Variants in CCDC57 observed in about 807,000 individuals in gnomAD.
The protein encoded by CCDC57 is coiled-coil domain containing 57.
CCDC57 carries 118 observed loss-of-function variants against 118.9 expected under a neutral mutation model. The observed-to-expected ratio is 0.99, with a 90% CI of 0.86 to 1.16. CCDC57 has a LOEUF of 1.16. Ranked by LOEUF, CCDC57 falls within the 50% of genes most tolerant of loss-of-function variation. The pLI is 0.00. For synonymous variants in CCDC57, 527 were observed against 532.9 expected (o/e 0.99, Z 0.15); for missense variants, 1,300 against 1,320.7 (o/e 0.98, Z 0.24).
intron 19 of CCDC57, among the ~76,000 whole-genome samples, chr17:82,125,296 G>A (rs541786999): frequency 2.1e-4 from 32 of 152,258 alleles, no homozygotes; most frequent in African/African-American, 7.7e-4. Flanking sequence ...TCAGCACTTT[G>A]GGAGGCTGAA....
At position 82,182,646 on chromosome 17, in the gene CCDC57, G is replaced by A. The variant is rs113133191; in HGVS notation, c.1211+1128C>T. Among the ~76,000 whole-genome samples, 31 of 147,682 alleles carry A rather than the reference G, an allele frequency of 2.1e-4. 2 individuals are homozygous for A. The highest frequency in any genetic ancestry group is 7.2e-4 in the African/African-American group (29 of 40,002). On this transcript the variant is annotated intron_variant, in intron 9 of 19. Transcript: ENST00000665763. Reference sequence around the variant, plus strand: ...TGGGATTATAGATGTGAGCCACCGCGCCCGGCCCACCAAACATTTATTTAT... The same window carrying A: ...TGGGATTATAGATGTGAGCCACCGCACCCGGCCCACCAAACATTTATTTAT...
At chr17:82,135,530 C>A (rs1008283069) in intron 16 of CCDC57, 2 of 152,100 alleles carry the variant, frequency 1.3e-5, no homozygotes, top group African/African-American at 4.8e-5. Flanking sequence ...CGAGATGGGC[C>A]CTCAAGTAAA....
At position 82,166,470 on chromosome 17, in the gene CCDC57, A is replaced by G. The variant is rs1192217195; in HGVS notation, c.1883-3113T>C. Among the ~76,000 whole-genome samples the G allele has an allele frequency of 2.0e-5, 3 of 151,940 alleles. No individual in the cohort carries two copies. The East Asian group carries it at 5.8e-4, about 29-fold the overall frequency. On this transcript the variant is annotated intron_variant, in intron 13 of 19. Coordinates refer to ENST00000665763, the Ensembl canonical transcript of CCDC57. The stretch of plus-strand genomic sequence containing the variant: ...GCCCAGGCTGCAGTGAGCCATGATA[A>G]TGCCGTTGCACTCCAGCGTGGGTGA...
At chr17:82,184,031 G>GCGCGCACGCACGCACACA in intron 8 of CCDC57, 99 bp from the exon 8 acceptor site, 1 of 125,852 alleles carries the variant, frequency 7.9e-6, no homozygotes, top group Non-Finnish European at 1.6e-5. Context: ...GCGCGCGCGC[G>GCGCGCACGCACGCACACA]CACACACACA....
intron 16 of CCDC57, among the ~76,000 whole-genome samples, chr17:82,150,751 G>A (rs1190186984): frequency 1.1e-3 from 50 of 44,854 alleles, no homozygotes; most frequent in South Asian, 2.4e-3. Context: ...AACCTGACCC[G>A]CACCCAGAAC....
chr17:82,208,535 G>A (rs1328186046), intron 1 of CCDC57, among the ~76,000 whole-genome samples: 1 of 152,136 alleles, frequency 6.6e-6, no homozygotes, highest in Non-Finnish European at 1.5e-5. Flanking sequence ...GATTACAGGC[G>A]TGAGCCACCG....
intron 2 of CCDC57, among the ~76,000 whole-genome samples, chr17:82,204,951 C>A: frequency 6.6e-6 from 1 of 152,234 alleles, no homozygotes; most frequent in South Asian, 2.1e-4. Flanking sequence ...GCCAGTGGGA[C>A]CTCAACCTGA....
At chr17:82,104,287 C>T (rs1318222344) in intron 19 of CCDC57, among the ~76,000 whole-genome samples, 1 of 152,244 alleles carries the variant, frequency 6.6e-6, no homozygotes, top group Non-Finnish European at 1.5e-5. Flanking sequence ...CCGGGCACAG[C>T]GTGAGGAACG....
At position 82,192,632 on chromosome 17, in the gene CCDC57, C is replaced by A. The variant is rs1342037676; in HGVS notation, c.851+1124G>T. ...GCCATCTGCACTGTGTCTGTTTGGG[C>A]TCGACTGCCTCGGTTTCCTCATCTA... is the stretch of plus-strand genomic sequence containing the variant. On this transcript the variant is annotated intron_variant, in intron 7 of 19. Coordinates refer to ENST00000665763, the Ensembl canonical transcript of CCDC57. This position sits in a 1 kb window ranked among gnomAD's most constrained non-coding sequence, Gnocchi z 4.0. 6.6e-6 allele frequency among the ~76,000 whole-genome samples: 1 copy of A among 152,198 alleles called. No homozygotes were observed. The highest frequency in any genetic ancestry group is 2.4e-5 in the African/African-American group (1 of 41,452).
Position 82,127,906 on chromosome 17 carries a change from T to TGTCTAGAAAAGACATCATC in CCDC57, c.2683-17_2684dup (p.Gln896MetfsTer16). 6.2e-7 allele frequency: 1 copy of TGTCTAGAAAAGACATCATC among 1,611,974 alleles called. No individual in the cohort carries two copies. Among genetic ancestry groups the TGTCTAGAAAAGACATCATC allele is most frequent in the Non-Finnish European group, 8.5e-7 (1 of 1,179,222 alleles). ...AGGTCACCGTGTGGATGCTGTGTTG[T>TGTCTAGAAAAGACATCATC]GTCTAGAAAAGACATCATCGTCTTG... is the stretch of plus-strand genomic sequence containing the variant. On this transcript the variant is annotated frameshift_variant and splice_region_variant, in exon 19 of 20. Transcript: ENST00000665763. LOFTEE classifies it high-confidence loss of function.
chr17:82,103,275 C>G (rs2034592617), intron 19 of CCDC57, among the ~76,000 whole-genome samples: 1 of 150,922 alleles, frequency 6.6e-6, no homozygotes. Flanking sequence ...AACCAGTCTT[C>G]CTTTTCCTGC....
intron 16 of CCDC57, among the ~76,000 whole-genome samples, chr17:82,148,371 G>A (rs1340537623): frequency 8.5e-5 from 1 of 11,738 alleles, no homozygotes; most frequent in Non-Finnish European, 1.7e-4. Context: ...ATGGGTGGAT[G>A]GGTGGGTGGG....
chr17:82,173,852 C>A (rs1451640352), intron 11 of CCDC57, among the ~76,000 whole-genome samples: 2 of 152,142 alleles, frequency 1.3e-5, no homozygotes, highest in East Asian at 3.9e-4. Flanking sequence ...CAGGCCCCGC[C>A]CACCCAGTTC....
chr17:82,159,785 C>T lies in CCDC57; in HGVS notation c.2041-1837G>A, dbSNP rs963616755. On this transcript the variant is annotated intron_variant, in intron 14 of 19. Coordinates refer to ENST00000665763, the Ensembl canonical transcript of CCDC57. ...CTCCCGGGTTCAAGCAATTGCCTTGCCTCAGCCTCCCGAGTAGCTGGGATT... is the reference window on the plus strand; with the variant it reads ...CTCCCGGGTTCAAGCAATTGCCTTGTCTCAGCCTCCCGAGTAGCTGGGATT... Among the ~76,000 whole-genome samples the T allele has an allele frequency of 9.9e-5, 15 of 151,654 alleles. 1 individual carries two copies. Among genetic ancestry groups the T allele is most frequent in the African/African-American group, 3.6e-4 (15 of 41,256 alleles).
intron 13 of CCDC57, among the ~76,000 whole-genome samples, chr17:82,165,974 A>T (rs760427475): frequency 1.1e-4 from 16 of 152,196 alleles, no homozygotes; most frequent in Admixed American, 2.0e-4. Context: ...GGAATTTCAT[A>T]ATGTGACACT....
intron 19 of CCDC57, among the ~76,000 whole-genome samples, chr17:82,106,881 C>CAA (rs1598609878): frequency 6.6e-6 from 1 of 152,288 alleles, no homozygotes; most frequent in East Asian, 1.9e-4. Flanking sequence ...TGGGGCCTTC[C>CAA]CAGGTCTGCC....
intron 16 of CCDC57, chr17:82,145,731 C>A (rs773320210): frequency 2.5e-6 from 1 of 404,812 alleles, no homozygotes; most frequent in Non-Finnish European, 5.0e-6. Flanking sequence ...CAGCACCTGC[C>A]TCCTGCTTCC....
intron 2 of CCDC57, among the ~76,000 whole-genome samples, chr17:82,206,011 A>G (rs1487387618): frequency 6.6e-6 from 1 of 152,348 alleles, no homozygotes; most frequent in South Asian, 2.1e-4. Context: ...CAGCATCTGG[A>G]CGCAATCTGC....
intron 19 of CCDC57, among the ~76,000 whole-genome samples, chr17:82,123,475 C>T (rs1280716892): frequency 6.6e-6 from 1 of 151,740 alleles, no homozygotes; most frequent in African/African-American, 2.4e-5. Flanking sequence ...TGAAATACAA[C>T]ATGAGGGGTT....
Sources: gnomAD v4.1 joint callset for allele counts (sites outside exome capture counted in the v4.1 genomes callset) on GRCh38, gnomAD v4.1.1 for gene constraint, Gnocchi (gnomAD v3.1) non-coding constraint, MANE v1.5 for transcripts, NCBI Gene and HGNC (gene_info 2026-07-23, HGNC 2026-07-21) for gene names.